PHACTR2: variants seen among roughly 807,000 people sequenced by gnomAD.
PHACTR2 encodes the protein phosphatase and actin regulator 2, also known as chromosome 6 open reading frame 56.
PHACTR2 carries 30 observed loss-of-function variants against 76.0 expected under a neutral mutation model. The observed-to-expected ratio is 0.39, with a 90% CI of 0.30 to 0.54. The LOEUF is 0.54. PHACTR2 is among the 20% of genes least tolerant of loss of function. PHACTR2 has a pLI of 0.61. For missense variants in PHACTR2, 696 were observed against 781.1 expected, an observed-to-expected ratio of 0.89 and a Z score of 1.30; for synonymous variants, 292 against 292.5, an observed-to-expected ratio of 1.00 and a Z score of 0.02.
rs567267084 is a variant in PHACTR2, at chr6:143,611,847, A to G, written c.13+3525A>G. On this transcript the variant is annotated intron_variant, in intron 1 of 11. Coordinates refer to the PHACTR2 transcript ENST00000305766. The surrounding 1 kb of genome is among the most constrained non-coding windows in gnomAD (Gnocchi z 4.4). ...AACTGGAAATTTATGTGGGTGGTGCAATGGGCATGGGGTTGGGGGATGCAT... is the reference window on the plus strand; with the variant it reads ...AACTGGAAATTTATGTGGGTGGTGCGATGGGCATGGGGTTGGGGGATGCAT... 3.3e-5 allele frequency among the ~76,000 whole-genome samples: 5 copies of G among 152,290 alleles called. No individual in the cohort carries two copies. Among genetic ancestry groups the G allele is most frequent in the African/African-American group, 1.2e-4 (5 of 41,566 alleles).
At chr6:143,748,372 T>C (rs1217821927) in intron 2 of PHACTR2, among the ~76,000 whole-genome samples, 2 of 152,368 alleles carry the variant, frequency 1.3e-5, no homozygotes, top group East Asian at 3.9e-4. Context: ...GGCTGAAAGC[T>C]GATTATTCTT....
chr6:143,655,476 T>G (rs1776833739), intron 1 of PHACTR2, among the ~76,000 whole-genome samples: 1 of 152,240 alleles, frequency 6.6e-6, no homozygotes, highest in African/African-American at 2.4e-5. Flanking sequence ...CTATGTGGAT[T>G]ATATTTCAAT....
In PHACTR2 at chr6:143,826,738, G is replaced by GA. The variant is rs1554231926; in HGVS notation, c.*3049_*3050insA. The GA allele has an allele frequency of 6.6e-6, 1 of 152,134 alleles. No homozygotes were observed. Among genetic ancestry groups the GA allele is most frequent in the Admixed American group, 6.5e-5 (1 of 15,282 alleles). 9.4% of individuals were successfully genotyped at this position (152,134 alleles called of 1,614,324 possible). A position where few individuals can be genotyped will look rare whatever the true frequency, so the allele number is the denominator to read the frequency against. The stretch of plus-strand genomic sequence containing the variant: ...AAGGCAGCTTGCCTGATAATTTCCT[G>GA]TGTTATGTGAAGTGTCTTGCACTTT... On this transcript the variant is annotated 3_prime_UTR_variant, in exon 13 of 13. Coordinates refer to ENST00000440869, the MANE Select transcript of PHACTR2 (RefSeq NM_001100164.2).
At chr6:143,630,851 T>C (rs968360199) in intron 1 of PHACTR2, among the ~76,000 whole-genome samples, 2 of 152,204 alleles carry the variant, frequency 1.3e-5, no homozygotes, top group East Asian at 1.9e-4. Context: ...ATGGTTCACA[T>C]TGGAGAGAAC....
In PHACTR2 at chr6:143,558,008, G is replaced by C. The variant is rs1775204634; in HGVS notation, c.217+20801G>C. On this transcript the variant is annotated intron_variant, in intron 1 of 11. Transcript: ENST00000367584. The surrounding 1 kb of genome is among the most constrained non-coding windows in gnomAD (Gnocchi z 4.7). ...TCCAGGTGTACCTCACCTGCTTCAG[G>C]AGACACCAGACTGAACTCTTTCTCT... 1 of 152,006 alleles carries C rather than the reference G, an allele frequency of 6.6e-6. No individual in the cohort carries two copies. The highest frequency in any genetic ancestry group is 6.6e-5 in the Admixed American group (1 of 15,242). The allele number at this position is 152,006 out of a possible 1,614,324, so 9.4% of individuals were successfully genotyped here.
rs1302663877 is a variant in PHACTR2 at position 143,678,201 on chromosome 6, C to T, written c.38C>T (p.Pro13Leu). ...QTSVSTLSPQ[P>L]GSVDGLDKAS... ...TCGGTGTCCACGCTGTCCCCGCAGC[C>T]CGGCAGCGGTGAGTCCGGGGCGCAC... Residue 13 changes from proline (P) to leucine (L), a missense_variant, in exon 1 of 13, where the codon CCC becomes CTC. Physicochemically the swap from Pro to Leu is moderately conservative, Grantham distance 98. This residue lies in a region of PHACTR2 where 460 missense variants were observed against 450.9 expected (regional missense o/e 1.02). Coordinates refer to ENST00000440869, the MANE Select transcript of PHACTR2 (RefSeq NM_001100164.2). The surrounding 1 kb of genome is among the most constrained non-coding windows in gnomAD (Gnocchi z 6.2). 3.3e-6 allele frequency: 5 copies of T among 1,535,460 alleles called. No individual in the cohort carries two copies. The highest frequency in any genetic ancestry group is 2.5e-5 in the East Asian group (1 of 39,304).
At position 143,807,305 on chromosome 6, in the gene PHACTR2, C is replaced by T. The variant is rs961914352; in HGVS notation, c.1922+172C>T. The stretch of plus-strand genomic sequence containing the variant: ...CTTAAAACCATCTTATGAACATTTC[C>T]GCTTCTCTCACATTCATCCTTGTTG... On this transcript the variant is annotated intron_variant, in intron 12 of 12. Transcript: ENST00000440869. The surrounding 1 kb of genome is among the most constrained non-coding windows in gnomAD (Gnocchi z 5.5). Among the ~76,000 whole-genome samples the T allele has an allele frequency of 3.9e-5, 6 of 152,108 alleles. No homozygotes were observed. Among genetic ancestry groups the T allele is most frequent in the South Asian group, 4.1e-4 (2 of 4,824 alleles).
At position 143,816,185 on chromosome 6, in the gene PHACTR2, C is replaced by T. The variant is rs1776291412; in HGVS notation, c.1923-7489C>T. The stretch of plus-strand genomic sequence containing the variant: ...GGGCACAGTAAATCTATTTATTCCT[C>T]CACCAACTTGAAGCCTAAAGCCAAA... On this transcript the variant is annotated intron_variant, in intron 12 of 12. Transcript: ENST00000440869. This position sits in a 1 kb window ranked among gnomAD's most constrained non-coding sequence, Gnocchi z 4.5. Among the ~76,000 whole-genome samples, 2 of 152,088 alleles carry T rather than the reference C, an allele frequency of 1.3e-5. No homozygotes were observed.
rs1216929146 is a variant in PHACTR2, at chr6:143,617,060, G to A, written c.13+8738G>A. Reference sequence around the variant, plus strand: ...AGCCTTTGAAGGGTTTTACGAGACTGGGAAGAATGGACTGGAAAGAAGTAA... The same window carrying A: ...AGCCTTTGAAGGGTTTTACGAGACTAGGAAGAATGGACTGGAAAGAAGTAA... On this transcript the variant is annotated intron_variant, in intron 1 of 11. Transcript: ENST00000305766. The surrounding 1 kb of genome is among the most constrained non-coding windows in gnomAD (Gnocchi z 4.8). Among the ~76,000 whole-genome samples, 2 of 152,172 alleles carry A rather than the reference G, an allele frequency of 1.3e-5. No individual in the cohort carries two copies. The highest frequency in any genetic ancestry group is 4.8e-5 in the African/African-American group (2 of 41,442).
At chr6:143,575,026 T>A (rs9399447) in intron 1 of PHACTR2, among the ~76,000 whole-genome samples, 93,111 of 151,860 alleles carry the variant, frequency 0.61, 28,874 homozygotes, top group Middle Eastern at 0.73. Flanking sequence ...ACTTGGCTAG[T>A]TAATTGTAAC....
At chr6:143,614,983 G>T (rs1358957695) in intron 1 of PHACTR2, among the ~76,000 whole-genome samples, 1 of 152,092 alleles carries the variant, frequency 6.6e-6, no homozygotes, top group Non-Finnish European at 1.5e-5. Context: ...CAGGTACCAA[G>T]AACATATATA....
At chr6:143,670,434 T>C (rs889554609) in intron 1 of PHACTR2, among the ~76,000 whole-genome samples, 1 of 152,164 alleles carries the variant, frequency 6.6e-6, no homozygotes. Flanking sequence ...TCCTGAAGAG[T>C]GTTTTCCAAC....
In PHACTR2 at chr6:143,754,166, G is replaced by A. The variant is rs147218608; in HGVS notation, c.454+254G>A. ...TAATTAAAAGTAATAATCAGAAGGGGTGGCCTCTTTAATCATTAGAGATGT... is the reference window on the plus strand; with the variant it reads ...TAATTAAAAGTAATAATCAGAAGGGATGGCCTCTTTAATCATTAGAGATGT... On this transcript the variant is annotated intron_variant, in intron 4 of 12. Coordinates refer to ENST00000440869, the MANE Select transcript of PHACTR2 (RefSeq NM_001100164.2). The surrounding 1 kb of genome is among the most constrained non-coding windows in gnomAD (Gnocchi z 6.2). The A allele has an allele frequency of 2.7e-4, 66 of 243,780 alleles. No individual in the cohort carries two copies. The East Asian group carries it at 4.8e-3, about 18-fold the overall frequency. 15.1% of individuals were successfully genotyped at this position (243,780 alleles called of 1,614,324 possible). A position where few individuals can be genotyped will look rare whatever the true frequency, so the allele number is the denominator to read the frequency against.
rs781588189 is a variant in PHACTR2, at chr6:143,738,206, T to G, written c.215-10779T>G. On this transcript the variant is annotated intron_variant, in intron 2 of 12. Coordinates refer to ENST00000440869, the MANE Select transcript of PHACTR2 (RefSeq NM_001100164.2). The surrounding 1 kb of genome is among the most constrained non-coding windows in gnomAD (Gnocchi z 4.0). ...GCAGGCGGATCACAAGGTCAGGAGT[T>G]CGAAACCAGTGGGGGGCGCCTGTAA... Among the ~76,000 whole-genome samples, 4 of 151,582 alleles carry G rather than the reference T, an allele frequency of 2.6e-5. No homozygotes were observed. Among genetic ancestry groups the G allele is most frequent in the Non-Finnish European group, 4.4e-5 (3 of 67,908 alleles).
At chr6:143,752,063 C>CA in intron 3 of PHACTR2, among the ~76,000 whole-genome samples, 1 of 152,148 alleles carries the variant, frequency 6.6e-6, no homozygotes, top group East Asian at 1.9e-4. Flanking sequence ...TTCTCTCTAT[C>CA]ATAGGATAAG....
At chr6:143,802,745 A>T (rs1775987263) in intron 11 of PHACTR2, among the ~76,000 whole-genome samples, 1 of 151,556 alleles carries the variant, frequency 6.6e-6, no homozygotes, top group South Asian at 2.1e-4. Context: ...TAAGTTTATT[A>T]TACATGTATT....
chr6:143,611,895 G>A lies in PHACTR2; in HGVS notation c.13+3573G>A, dbSNP rs1306575628. ...CATTGGATATGCATCAGCAGAGCAC[G>A]ACGAGTGGATATGGAGGCAGGGAGA... is the stretch of plus-strand genomic sequence containing the variant. On this transcript the variant is annotated intron_variant, in intron 1 of 11. Transcript: ENST00000305766. This position sits in a 1 kb window ranked among gnomAD's most constrained non-coding sequence, Gnocchi z 4.4. 6.6e-6 allele frequency among the ~76,000 whole-genome samples: 1 copy of A among 152,182 alleles called. No individual in the cohort carries two copies. Among genetic ancestry groups the A allele is most frequent in the Non-Finnish European group, 1.5e-5 (1 of 68,018 alleles).
upstream of PHACTR2, among the ~76,000 whole-genome samples, chr6:143,673,170 C>T (rs868782976): frequency 9.2e-5 from 14 of 152,216 alleles, 1 homozygote; most frequent in South Asian, 2.1e-3. Flanking sequence ...AGAGGTACCA[C>T]GCCCATGGGA....
chr6:143,561,605 G>A lies in PHACTR2; in HGVS notation c.217+24398G>A, dbSNP rs1462310190. ...CTGGGCATAGTGAAGTCTCTGGGGAGGGCAGCACCCACAGGCTCTGGCCTG... is the reference window on the plus strand; with the variant it reads ...CTGGGCATAGTGAAGTCTCTGGGGAAGGCAGCACCCACAGGCTCTGGCCTG... On this transcript the variant is annotated intron_variant, in intron 1 of 11. Coordinates refer to the PHACTR2 transcript ENST00000367584. The surrounding 1 kb of genome is among the most constrained non-coding windows in gnomAD (Gnocchi z 4.1). 6.6e-6 allele frequency: 1 copy of A among 152,410 alleles called. No individual in the cohort carries two copies. The highest frequency in any genetic ancestry group is 1.5e-5 in the Non-Finnish European group (1 of 68,206). 9.4% of individuals were successfully genotyped at this position (152,410 alleles called of 1,614,324 possible).
Sources: allele counts gnomAD v4.1 joint callset (sites outside exome capture counted in the v4.1 genomes callset), GRCh38; gene constraint gnomAD v4.1.1; regional missense constraint gnomAD v4.1.1; non-coding constraint Gnocchi (gnomAD v3.1); transcripts MANE v1.5; gene names NCBI Gene and HGNC (gene_info 2026-07-23, HGNC 2026-07-21).